The following SLC4A4 variants were observed in gnomAD, a reference collection of about 807,000 sequenced individuals.
SLC4A4 encodes solute carrier family 4 member 4, also known as electrogenic sodium bicarbonate cotransporter 1.
Under a neutral mutation model 111.5 loss-of-function variants are expected in SLC4A4, and 27 were observed. That is an observed-to-expected ratio of 0.24 (90% CI 0.18 to 0.33). SLC4A4 has a LOEUF of 0.33. Among genes scored for constraint, SLC4A4 ranks in the 10% least tolerant of loss-of-function variants. SLC4A4 has a pLI of 1.00. For missense variants in SLC4A4, 909 were observed against 1,315.5 expected (o/e 0.69, Z 4.78); for synonymous variants, 443 against 463.4 (o/e 0.96, Z 0.57).
chr4:71,166,248 T>C (rs544491301), intron 2 of SLC4A4, among the ~76,000 whole-genome samples: 209 of 152,328 alleles, frequency 1.4e-3, no homozygotes, highest in Non-Finnish European at 2.7e-3. Context: ...TTTTTGATTG[T>C]TGTAGAGGCA....
chr4:71,331,264 A>C (rs1385848642), intron 3 of SLC4A4, among the ~76,000 whole-genome samples: 4 of 152,212 alleles, frequency 2.6e-5, no homozygotes, highest in Non-Finnish European at 5.9e-5. Flanking sequence ...TCATGCTGCT[A>C]TAAAGACACA....
At chr4:71,531,710 T>TA (rs1468118434) in intron 16 of SLC4A4, among the ~76,000 whole-genome samples, 9 of 150,878 alleles carry the variant, frequency 6.0e-5, no homozygotes, top group African/African-American at 2.2e-4. Context: ...GATGAGTTTA[T>TA]ACAGTATCTC....
intron 2 of SLC4A4, among the ~76,000 whole-genome samples, chr4:71,149,356 G>A (rs1273819894): frequency 6.6e-6 from 1 of 151,986 alleles, no homozygotes; most frequent in African/African-American, 2.4e-5. Flanking sequence ...GTCTTTTTCT[G>A]GGCTCCTTTC....
intron 16 of SLC4A4, among the ~76,000 whole-genome samples, chr4:71,511,454 A>G (rs1731910365): frequency 6.6e-6 from 1 of 151,446 alleles, no homozygotes; most frequent in South Asian, 2.1e-4. Flanking sequence ...TTCATTTTTT[A>G]AGGTGTCTTT....
chr4:71,354,859 G>A (rs2148909341), intron 5 of SLC4A4, among the ~76,000 whole-genome samples: 1 of 152,270 alleles, frequency 6.6e-6, no homozygotes, highest in Admixed American at 6.5e-5. Context: ...GCAAGAGGTT[G>A]AACTTGATGC....
At chr4:71,256,401 A>G (rs917176807) in intron 3 of SLC4A4, among the ~76,000 whole-genome samples, 2 of 152,148 alleles carry the variant, frequency 1.3e-5, no homozygotes, top group Admixed American at 6.5e-5. Flanking sequence ...TGTGAGGCAT[A>G]GTGATGTGAA....
At chr4:71,210,551 A>T (rs982379348) in intron 1 of SLC4A4, among the ~76,000 whole-genome samples, 1 of 152,188 alleles carries the variant, frequency 6.6e-6, no homozygotes, top group Non-Finnish European at 1.5e-5. Context: ...TCACAAAATA[A>T]CATGTTATTT....
At chr4:71,174,508 A>G (rs1238111931) in intron 2 of SLC4A4, among the ~76,000 whole-genome samples, 1 of 152,108 alleles carries the variant, frequency 6.6e-6, no homozygotes, top group Non-Finnish European at 1.5e-5. Context: ...TCAGCCTCCC[A>G]AAGTGCTGGT....
At chr4:71,556,860 A>G (rs564929738) in intron 21 of SLC4A4, among the ~76,000 whole-genome samples, 3 of 151,962 alleles carry the variant, frequency 2.0e-5, no homozygotes, top group Admixed American at 2.0e-4. Flanking sequence ...GAAAATAGAG[A>G]TATTATTTCA....
chr4:71,507,838 C>T (rs914526106), intron 16 of SLC4A4, among the ~76,000 whole-genome samples: 8 of 152,130 alleles, frequency 5.3e-5, no homozygotes, highest in Admixed American at 1.3e-4. Context: ...ATCACATAAT[C>T]GGAAGTTAAA....
intron 12 of SLC4A4, among the ~76,000 whole-genome samples, chr4:71,463,904 C>A (rs1339800154): frequency 1.3e-5 from 2 of 152,146 alleles, no homozygotes. Flanking sequence ...AAAATCTCTT[C>A]TTTTGTATTG....
chr4:71,340,627 C>T (rs932640155), intron 4 of SLC4A4, among the ~76,000 whole-genome samples: 2 of 151,960 alleles, frequency 1.3e-5, no homozygotes, highest in African/African-American at 4.8e-5. Context: ...TTTAAATATC[C>T]AGCTGAAAGT....
rs555722820 is a variant in SLC4A4 at position 71,201,568 on chromosome 4, A to C, written c.-2+14167A>C. ...TATCCCAACCTTCTTTAATTCCTAGAGTTTAAGTAAGTTAATGAATGTGAA... is the reference window on the plus strand; with the variant it reads ...TATCCCAACCTTCTTTAATTCCTAGCGTTTAAGTAAGTTAATGAATGTGAA... On this transcript the variant is annotated intron_variant, in intron 1 of 25. Transcript: ENST00000264485. Among the ~76,000 whole-genome samples, 4 of 152,234 alleles carry C rather than the reference A, an allele frequency of 2.6e-5. No homozygotes were observed. In the East Asian group the frequency reaches 7.7e-4, roughly 29 times the overall value.
chr4:71,291,259 G>A (rs892264774), intron 3 of SLC4A4, among the ~76,000 whole-genome samples: 2 of 152,162 alleles, frequency 1.3e-5, no homozygotes, highest in Non-Finnish European at 2.9e-5. Context: ...CAGCACACCA[G>A]CATGGCACAT....
intron 18 of SLC4A4, among the ~76,000 whole-genome samples, chr4:71,536,912 T>TAC (rs1734553867): frequency 6.6e-6 from 1 of 151,804 alleles, no homozygotes; most frequent in African/African-American, 2.4e-5. Flanking sequence ...TGTGTATATA[T>TAC]ACACACATAT....
At chr4:71,210,258 T>G (rs1718049978) in intron 1 of SLC4A4, among the ~76,000 whole-genome samples, 1 of 152,216 alleles carries the variant, frequency 6.6e-6, no homozygotes, top group Non-Finnish European at 1.5e-5. Flanking sequence ...CTGTGTAATT[T>G]TCTAGGCAGT....
chr4:71,458,447 G>A (rs1231996262), intron 12 of SLC4A4, among the ~76,000 whole-genome samples: 2 of 152,040 alleles, frequency 1.3e-5, no homozygotes, highest in Non-Finnish European at 2.9e-5. Flanking sequence ...AAGACTGAGT[G>A]AAGAAAGTAA....
At chr4:71,529,504 G>C (rs1294184102) in intron 16 of SLC4A4, among the ~76,000 whole-genome samples, 1 of 152,002 alleles carries the variant, frequency 6.6e-6, no homozygotes, top group Admixed American at 6.6e-5. Flanking sequence ...TCAGTGATGA[G>C]GTTCAGTTTG....
intron 2 of SLC4A4, among the ~76,000 whole-genome samples, chr4:71,138,319 T>C (rs979188892): frequency 6.6e-6 from 1 of 152,182 alleles, no homozygotes; most frequent in African/African-American, 2.4e-5. Flanking sequence ...CCAGGCTCTT[T>C]CTCAAGGCTT....
Sources: gnomAD v4.1 joint callset for allele counts (sites outside exome capture counted in the v4.1 genomes callset) on GRCh38, gnomAD v4.1.1 for gene constraint, MANE v1.5 for transcripts, NCBI Gene and HGNC (gene_info 2026-07-23, HGNC 2026-07-21) for gene names.